The following CSMD1 variants were observed in gnomAD, a reference collection of about 807,000 sequenced individuals.
The protein encoded by CSMD1 is CUB and Sushi multiple domains 1.
CSMD1 carries 213 observed loss-of-function variants against 417.5 expected under a neutral mutation model. That is an observed-to-expected ratio of 0.51 (90% CI 0.46 to 0.57). CSMD1 has a LOEUF of 0.57. Among genes scored for constraint, CSMD1 ranks in the 20% least tolerant of loss-of-function variants. CSMD1 has a pLI of 0.00. For synonymous variants in CSMD1, 2,862 were observed against 1,736.8 expected, an observed-to-expected ratio of 1.65 and a Z score of -16.11; for missense variants, 6,923 against 4,529.7, an observed-to-expected ratio of 1.53 and a Z score of -15.17.
At chr8:4,818,475 A>C (rs17071555) in intron 1 of CSMD1, among the ~76,000 whole-genome samples, 11,314 of 152,148 alleles carry the variant, frequency 0.074, 730 homozygotes, top group East Asian at 0.29. Context: ...CAACCTCAGC[A>C]ACAATTTTGA....
At chr8:3,066,071 G>T (rs750680478) in intron 49 of CSMD1, among the ~76,000 whole-genome samples, 1 of 152,136 alleles carries the variant, frequency 6.6e-6, no homozygotes, top group Non-Finnish European at 1.5e-5. Flanking sequence ...CAGAAAAATT[G>T]TCTATTGGCA....
At chr8:4,542,012 TGC>T (rs1478385493) in intron 2 of CSMD1, among the ~76,000 whole-genome samples, 2 of 152,126 alleles carry the variant, frequency 1.3e-5, no homozygotes, top group African/African-American at 4.8e-5. Flanking sequence ...CACACTCTGT[TGC>T]CAATTGAAGC....
intron 1 of CSMD1, among the ~76,000 whole-genome samples, chr8:4,649,263 G>A (rs1358322141): frequency 6.6e-6 from 1 of 152,210 alleles, no homozygotes; most frequent in Non-Finnish European, 1.5e-5. Flanking sequence ...ATGGAAGCAA[G>A]GGAGCTGGAG....
intron 5 of CSMD1, among the ~76,000 whole-genome samples, chr8:3,893,591 G>T (rs1243933109): frequency 6.6e-6 from 1 of 151,798 alleles, no homozygotes; most frequent in South Asian, 2.1e-4. Context: ...TCTAGCTCCA[G>T]TCCCATCTCC....
chr8:4,720,898 G>A (rs115187256), intron 1 of CSMD1, among the ~76,000 whole-genome samples: 2 of 152,108 alleles, frequency 1.3e-5, no homozygotes, highest in East Asian at 1.9e-4. Flanking sequence ...AACATACCTG[G>A]TGACCTTGAT....
intron 1 of CSMD1, among the ~76,000 whole-genome samples, chr8:4,928,841 G>A (rs1239549141): frequency 6.6e-6 from 1 of 152,124 alleles, no homozygotes; most frequent in African/African-American, 2.4e-5. Context: ...AGGCTGAGGT[G>A]AGTGGATCAC....
chr8:3,941,226 G>A (rs1169500115), intron 5 of CSMD1, among the ~76,000 whole-genome samples: 1 of 152,042 alleles, frequency 6.6e-6, no homozygotes, highest in Non-Finnish European at 1.5e-5. Flanking sequence ...AAAGTTCCTA[G>A]CAAATGTATT....
intron 3 of CSMD1, among the ~76,000 whole-genome samples, chr8:4,043,722 G>A (rs530484527): frequency 6.6e-6 from 1 of 152,072 alleles, no homozygotes; most frequent in Non-Finnish European, 1.5e-5. Context: ...CTTAAAATAA[G>A]ATTTATTACT....
At chr8:3,555,605 GAACA>G (rs1799109709) in intron 10 of CSMD1, among the ~76,000 whole-genome samples, 1 of 152,108 alleles carries the variant, frequency 6.6e-6, no homozygotes, top group African/African-American at 2.4e-5. Context: ...TAATTCTACA[GAACA>G]AACTTATTTT....
chr8:4,719,786 T>C (rs1378741198), intron 1 of CSMD1, among the ~76,000 whole-genome samples: 1 of 152,202 alleles, frequency 6.6e-6, no homozygotes, highest in Non-Finnish European at 1.5e-5. Context: ...ATTATTTCCC[T>C]TTGAGAGCTT....
intron 7 of CSMD1, among the ~76,000 whole-genome samples, chr8:3,675,814 C>A (rs1195235720): frequency 6.6e-6 from 1 of 152,154 alleles, no homozygotes; most frequent in Non-Finnish European, 1.5e-5. Context: ...GTTATAGCAG[C>A]CAGAGTTGAC....
chr8:4,608,524 A>G (rs2130784259), intron 2 of CSMD1, among the ~76,000 whole-genome samples: 1 of 152,346 alleles, frequency 6.6e-6, no homozygotes. Flanking sequence ...TGGAATCTCC[A>G]TAAGAGACGC....
chr8:3,664,525 G>C (rs1563248910), intron 7 of CSMD1, among the ~76,000 whole-genome samples: 1 of 152,210 alleles, frequency 6.6e-6, no homozygotes, highest in South Asian at 2.1e-4. Context: ...ATTGTATGCT[G>C]ATGGTGGGTC....
In CSMD1 at chr8:4,403,056, C is replaced by T. The variant is rs187419310; in HGVS notation, c.415+16897G>A. 1.1e-3 allele frequency among the ~76,000 whole-genome samples: 166 copies of T among 151,988 alleles called. 1 individual carries two copies. Among genetic ancestry groups the T allele is most frequent in the African/African-American group, 3.8e-3 (156 of 41,478 alleles). On this transcript the variant is annotated intron_variant, in intron 3 of 69. Transcript: ENST00000635120. ...CCACGTTGGCCAGGATGGTCTCAAT[C>T]TCCTGACCTCGTGATCCGCTCGCCT... is the stretch of plus-strand genomic sequence containing the variant.
chr8:3,387,784 G>C (rs1250063761), intron 17 of CSMD1, 102 bp from the exon 18 acceptor site: 2 of 938,382 alleles, frequency 2.1e-6, no homozygotes, highest in Non-Finnish European at 3.2e-6. Flanking sequence ...GAAATAATAA[G>C]ACCTGAAACA....
chr8:4,041,061 G>A (rs1351871649), intron 3 of CSMD1, among the ~76,000 whole-genome samples: 2 of 131,826 alleles, frequency 1.5e-5, no homozygotes, highest in Non-Finnish European at 3.1e-5. Flanking sequence ...CTGTCGCCCA[G>A]GCTGGAGTGC....
intron 7 of CSMD1, among the ~76,000 whole-genome samples, chr8:3,619,612 G>C (rs1802320102): frequency 6.6e-6 from 1 of 152,116 alleles, no homozygotes; most frequent in Admixed American, 6.6e-5. Flanking sequence ...TGAACACCTA[G>C]TAGGATAAAC....
At chr8:4,970,172 G>A (rs973587982) in intron 1 of CSMD1, among the ~76,000 whole-genome samples, 21 of 152,102 alleles carry the variant, frequency 1.4e-4, no homozygotes, top group African/African-American at 4.6e-4. Context: ...GAGGTACACA[G>A]TGTAGAGGGA....
At chr8:4,412,002 G>GTA (rs1284022438) in intron 3 of CSMD1, among the ~76,000 whole-genome samples, 1 of 151,800 alleles carries the variant, frequency 6.6e-6, no homozygotes, top group Admixed American at 6.6e-5. Flanking sequence ...GTGTGTGTGT[G>GTA]TGTGTGTGTG....
Sources: allele counts gnomAD v4.1 joint callset (sites outside exome capture counted in the v4.1 genomes callset), GRCh38; gene constraint gnomAD v4.1.1; transcripts MANE v1.5; gene names NCBI Gene and HGNC (gene_info 2026-07-23, HGNC 2026-07-21).